RASSF3: variants seen among roughly 807,000 people sequenced by gnomAD.
RASSF3 encodes ras association domain-containing protein 3.
RASSF3 carries 19 observed loss-of-function variants against 19.9 expected under a neutral mutation model. The ratio of observed to expected loss-of-function variants is 0.96; its 90% CI spans 0.67 to 1.40. The LOEUF is 1.40. Among genes scored for constraint, RASSF3 ranks in the 40% most tolerant of loss-of-function variants. RASSF3 has a pLI of 0.00. For synonymous variants in RASSF3, 110 were observed against 104.2 expected, an observed-to-expected ratio of 1.06 and a Z score of -0.34; for missense variants, 306 against 289.8, an observed-to-expected ratio of 1.06 and a Z score of -0.41.
intron 2 of RASSF3, among the ~76,000 whole-genome samples, chr12:64,556,930 G>T (rs144823962): frequency 1.3e-5 from 2 of 149,318 alleles, no homozygotes; most frequent in Non-Finnish European, 3.0e-5. Context: ...TCTGCTTCCC[G>T]GGTTCAAGCG....
chr12:64,550,833 AGAAAG>A lies in RASSF3; in HGVS notation c.294+9129_294+9133del, dbSNP rs1344779058. Among the ~76,000 whole-genome samples the A allele has an allele frequency of 6.6e-4, 97 of 146,968 alleles. 2 individuals carry two copies. Among genetic ancestry groups the A allele is most frequent in the Non-Finnish European group, 1.2e-3 (80 of 67,034 alleles). ...GAGACTCCATCTCAAAAAAAAAAAA[AGAAAG>A]AAAGAAAGGAAAAAAAAAAGAGAGA... On this transcript the variant is annotated intron_variant, in intron 2 of 5. Coordinates refer to the RASSF3 transcript ENST00000637125.
intron 2 of RASSF3, among the ~76,000 whole-genome samples, chr12:64,588,813 CTT>C (rs2136139357): frequency 6.6e-6 from 1 of 152,132 alleles, no homozygotes; most frequent in South Asian, 2.1e-4. Flanking sequence ...AGTAAGATGA[CTT>C]TTTCCATCCA....
chr12:64,683,439 T>C (rs751667679), intron 1 of RASSF3, among the ~76,000 whole-genome samples: 10 of 152,176 alleles, frequency 6.6e-5, no homozygotes, highest in Non-Finnish European at 1.2e-4. Flanking sequence ...GAGAAGAGGA[T>C]TTAACCGATA....
At chr12:64,617,207 A>G (rs1220292157) in intron 1 of RASSF3, among the ~76,000 whole-genome samples, 3 of 152,194 alleles carry the variant, frequency 2.0e-5, no homozygotes, top group African/African-American at 7.2e-5. Flanking sequence ...AGTGATTTAA[A>G]ATGGGATGAT....
At chr12:64,679,658 C>T (rs1219230861) in intron 1 of RASSF3, among the ~76,000 whole-genome samples, 3 of 152,098 alleles carry the variant, frequency 2.0e-5, no homozygotes, top group Admixed American at 6.5e-5. Flanking sequence ...AGTGACGTAA[C>T]CCCACCCAGG....
At chr12:64,603,285 G>T (rs2136147174) in intron 2 of RASSF3, among the ~76,000 whole-genome samples, 1 of 152,218 alleles carries the variant, frequency 6.6e-6, no homozygotes, top group Middle Eastern at 3.4e-3. Flanking sequence ...AAGGTAACAT[G>T]ATTATGATGA....
In RASSF3 at chr12:64,695,089, G is replaced by A. The variant is rs1868335928; in HGVS notation, c.*177G>A. Reference sequence around the variant, plus strand: ...AGCATCCTGCACCTTAGCGTCCCATGTAAGGGACTCTGCAAGCTTGTTGTT... The same window carrying A: ...AGCATCCTGCACCTTAGCGTCCCATATAAGGGACTCTGCAAGCTTGTTGTT... On this transcript the variant is annotated 3_prime_UTR_variant, in exon 5 of 5. Transcript: ENST00000542104. The A allele has an allele frequency of 3.2e-6, 2 of 619,434 alleles. No homozygotes were observed. The allele number at this position is 619,434 out of a possible 1,614,324, so 38.4% of individuals were successfully genotyped here. A position where few individuals can be genotyped will look rare whatever the true frequency, so the allele number is the denominator to read the frequency against.
At chr12:64,664,351 A>T (rs2136200993) in intron 1 of RASSF3, among the ~76,000 whole-genome samples, 1 of 152,348 alleles carries the variant, frequency 6.6e-6, no homozygotes, top group South Asian at 2.1e-4. Flanking sequence ...AAGAAAGCTT[A>T]CCATAAATAC....
At chr12:64,507,002 T>TAATA (rs778234514) in exon 1 of RASSF3, 1 of 392,710 alleles carries the variant, frequency 2.5e-6, no homozygotes, top group Non-Finnish European at 4.5e-6. Context: ...GAACATCTAT[T>TAATA]AATACAGTTT....
At chr12:64,507,190 A>G (rs529924966) in exon 1 of RASSF3, 91 of 398,460 alleles carry the variant, frequency 2.3e-4, no homozygotes, top group African/African-American at 1.8e-3. Context: ...ATTCTGGAAC[A>G]CTCCTGGTTC....
intron 1 of RASSF3, among the ~76,000 whole-genome samples, chr12:64,614,189 A>C (rs1482509875): frequency 6.8e-6 from 1 of 146,132 alleles, no homozygotes; most frequent in African/African-American, 2.6e-5. Flanking sequence ...GCTGGAGTGC[A>C]ATGGCGTGAT....
intron 2 of RASSF3, among the ~76,000 whole-genome samples, chr12:64,686,854 T>A (rs1447863066): frequency 6.6e-6 from 1 of 152,124 alleles, no homozygotes; most frequent in Non-Finnish European, 1.5e-5. Flanking sequence ...AGAATTAGGA[T>A]TGAAAATTGA....
upstream of RASSF3, among the ~76,000 whole-genome samples, chr12:64,532,176 C>G (rs1269461769): frequency 6.6e-6 from 1 of 152,140 alleles, no homozygotes; most frequent in African/African-American, 2.4e-5. Context: ...GCAGCTCTGC[C>G]CCCTCTCAGG....
chr12:64,625,801 C>G (rs1425749900), intron 1 of RASSF3, among the ~76,000 whole-genome samples: 1 of 152,122 alleles, frequency 6.6e-6, no homozygotes. Flanking sequence ...TTCAGCGATA[C>G]TGGATGCTTC....
intron 2 of RASSF3, among the ~76,000 whole-genome samples, chr12:64,556,722 C>A (rs897942880): frequency 6.6e-6 from 1 of 152,116 alleles, no homozygotes; most frequent in Non-Finnish European, 1.5e-5. Context: ...CTTTTCCGTG[C>A]AGACTGGGGA....
At chr12:64,671,819 A>T (rs952345836) in intron 1 of RASSF3, among the ~76,000 whole-genome samples, 2 of 152,180 alleles carry the variant, frequency 1.3e-5, no homozygotes, top group African/African-American at 4.8e-5. Context: ...ATCTTTCTTC[A>T]TTCTTCATTA....
intron 1 of RASSF3, among the ~76,000 whole-genome samples, chr12:64,513,576 G>T (rs1868341780): frequency 6.6e-6 from 1 of 152,068 alleles, no homozygotes; most frequent in South Asian, 2.1e-4. Flanking sequence ...TCAGCATCCA[G>T]ATTCAATGTA....
At chr12:64,688,188 T>A (rs779605089) in intron 2 of RASSF3, 28 bp from the exon 3 acceptor site, 20 of 1,532,344 alleles carry the variant, frequency 1.3e-5, no homozygotes, top group Non-Finnish European at 1.8e-5. Context: ...TCCACCCAGC[T>A]AAGTGTGTGC....
intron 1 of RASSF3, among the ~76,000 whole-genome samples, chr12:64,652,316 C>G (rs1871986902): frequency 6.6e-6 from 1 of 152,018 alleles, no homozygotes; most frequent in South Asian, 2.1e-4. Flanking sequence ...TCAGTGTGTT[C>G]TGTAGCACAG....
Sources: allele counts gnomAD v4.1 joint callset (sites outside exome capture counted in the v4.1 genomes callset), GRCh38; gene constraint gnomAD v4.1.1; transcripts MANE v1.5; gene names NCBI Gene and HGNC (gene_info 2026-07-23, HGNC 2026-07-21).